Variants in DMD observed in about 807,000 individuals in gnomAD.
The protein encoded by DMD is dystrophin, also known as mutant dystrophin.
DMD carries 63 observed loss-of-function variants against 330.1 expected under a neutral mutation model. The observed-to-expected ratio is 0.19, with a 90% confidence interval of 0.16 to 0.24. The LOEUF (loss-of-function observed/expected upper bound fraction) is 0.24, where lower values mean the gene tolerates loss of function less well. Among genes scored for constraint, DMD ranks in the 10% least tolerant of loss-of-function variants. DMD has a pLI of 1.00. For synonymous variants in DMD, 1,223 were observed against 959.8 expected (o/e 1.27, Z -5.07); for missense variants, 3,344 against 2,684.1 (o/e 1.25, Z -5.43).
intron 30 of DMD, among the ~76,000 whole-genome samples, chrX:32,390,671 CCTT>C (rs1885233861): frequency 9.0e-6 from 1 of 110,551 alleles, no homozygotes; most frequent in African/African-American, 3.3e-5. Context: ...TCCTTAATTA[CCTT>C]CTTTTTATTT....
intron 1 of DMD, among the ~76,000 whole-genome samples, chrX:33,338,644 C>T (rs2054291435): frequency 9.0e-6 from 1 of 110,839 alleles, no homozygotes; most frequent in Non-Finnish European, 1.9e-5. Context: ...CTTGGCAAAA[C>T]GTGAATACAG....
At chrX:31,923,814 T>A (rs1160183365) in intron 47 of DMD, among the ~76,000 whole-genome samples, 1 of 111,552 alleles carries the variant, frequency 9.0e-6, no homozygotes, top group Non-Finnish European at 1.9e-5. Flanking sequence ...GCTGGGATGG[T>A]CTCGATCTCC....
chrX:31,351,153 CAT>C (rs1307894430), intron 60 of DMD, among the ~76,000 whole-genome samples: 1 of 93,434 alleles, frequency 1.1e-5, no homozygotes, highest in African/African-American at 4.2e-5. Context: ...CATAGACATA[CAT>C]ATATACACAC....
At chrX:32,474,341 CT>C (rs1288759337) in intron 21 of DMD, among the ~76,000 whole-genome samples, 1 of 111,257 alleles carries the variant, frequency 9.0e-6, no homozygotes, top group African/African-American at 3.3e-5. Flanking sequence ...GTGCAAGTAT[CT>C]TTTTTGAATA....
At chrX:31,878,741 A>C (rs2094007023) in intron 47 of DMD, among the ~76,000 whole-genome samples, 1 of 112,432 alleles carries the variant, frequency 8.9e-6, no homozygotes, top group South Asian at 3.6e-4. Flanking sequence ...AAGAAAATAC[A>C]AAGGATTTTA....
chrX:32,878,890 C>A (rs1221092572), intron 2 of DMD, among the ~76,000 whole-genome samples: 1 of 108,611 alleles, frequency 9.2e-6, no homozygotes, highest in African/African-American at 3.4e-5. Context: ...TACCTGTAAT[C>A]CCAGCTACTG....
chrX:32,964,579 G>A (rs1362071306), intron 2 of DMD, among the ~76,000 whole-genome samples: 1 of 110,055 alleles, frequency 9.1e-6, no homozygotes, highest in Non-Finnish European at 1.9e-5. Context: ...GTGGTGGCGT[G>A]CGCCTGTAAT....
chrX:32,240,052 T>C (rs2097202274), intron 43 of DMD, among the ~76,000 whole-genome samples: 1 of 111,958 alleles, frequency 8.9e-6, no homozygotes, highest in Non-Finnish European at 1.9e-5. Context: ...CTTCCATCTT[T>C]GAGACATGTT....
At chrX:31,526,343 C>G (rs1281364084) in intron 55 of DMD, among the ~76,000 whole-genome samples, 1 of 111,877 alleles carries the variant, frequency 8.9e-6, no homozygotes, top group Non-Finnish European at 1.9e-5. Flanking sequence ...GACATCTTTA[C>G]TCATAAAATA....
At chrX:31,154,316 G>C (rs1217292011) in intron 74 of DMD, among the ~76,000 whole-genome samples, 1 of 108,875 alleles carries the variant, frequency 9.2e-6, no homozygotes, top group Non-Finnish European at 1.9e-5. Context: ...TATTTTTTGA[G>C]ACGGAATCTC....
intron 1 of DMD, among the ~76,000 whole-genome samples, chrX:33,186,795 T>A (rs1008324499): frequency 1.8e-5 from 2 of 111,593 alleles, no homozygotes; most frequent in African/African-American, 6.5e-5. Context: ...TGTCTACAAG[T>A]CAACAATTCT....
intron 64 of DMD, among the ~76,000 whole-genome samples, chrX:31,219,463 C>G (rs1163909231): frequency 1.8e-5 from 2 of 111,228 alleles, no homozygotes; most frequent in African/African-American, 6.6e-5. Flanking sequence ...CTGCTGTTAA[C>G]TGCGTTGCAG....
chrX:32,822,290 T>C (rs745837857), intron 5 of DMD, among the ~76,000 whole-genome samples: 5 of 110,757 alleles, frequency 4.5e-5, no homozygotes, highest in African/African-American at 6.6e-5. Flanking sequence ...GAAGGGACCA[T>C]GGCCCAGAAC....
chrX:32,463,322 G>A (rs1214229485), intron 25 of DMD, 117 bp downstream of exon 25: 14 of 615,567 alleles, frequency 2.3e-5, no homozygotes, highest in African/African-American at 4.6e-5. Context: ...AATTAATTGT[G>A]CTTTAAAGCA....
At chrX:33,117,074 A>ATT (rs140675549) in intron 1 of DMD, among the ~76,000 whole-genome samples, 1 of 109,892 alleles carries the variant, frequency 9.1e-6, no homozygotes, top group African/African-American at 3.3e-5. Flanking sequence ...TTATATATAT[A>ATT]TATATTTTTT....
At chrX:31,614,313 C>T (rs1455679733) in intron 55 of DMD, among the ~76,000 whole-genome samples, 1 of 111,956 alleles carries the variant, frequency 8.9e-6, no homozygotes. Flanking sequence ...AACTGAAATG[C>T]TGCTTCCTGC....
At chrX:32,124,505 C>A (rs1486845328) in intron 44 of DMD, among the ~76,000 whole-genome samples, 2 of 111,929 alleles carry the variant, frequency 1.8e-5, no homozygotes, top group Admixed American at 9.5e-5. Flanking sequence ...TCCTAATAGA[C>A]CCCAAAGGGG....
chrX:32,003,898 A>C (rs1055471206), intron 44 of DMD, among the ~76,000 whole-genome samples: 4 of 111,481 alleles, frequency 3.6e-5, no homozygotes, highest in African/African-American at 9.7e-5. Flanking sequence ...GTGGGGGTTA[A>C]ATTTTACAGA....
At chrX:31,349,601 G>T (rs2058280596) in intron 60 of DMD, among the ~76,000 whole-genome samples, 1 of 111,416 alleles carries the variant, frequency 9.0e-6, no homozygotes, top group Non-Finnish European at 1.9e-5. Flanking sequence ...TTCCTATTAG[G>T]TTTTTCTATA....
Sources: gnomAD v4.1 joint callset for allele counts (sites outside exome capture counted in the v4.1 genomes callset) on GRCh38, gnomAD v4.1.1 for gene constraint, MANE v1.5 for transcripts, NCBI Gene and HGNC (gene_info 2026-07-23, HGNC 2026-07-21) for gene names.